GRB14: variants seen among roughly 807,000 people sequenced by gnomAD.
GRB14 encodes the protein growth factor receptor bound protein 14.
Under a neutral mutation model 69.1 loss-of-function variants are expected in GRB14, and 38 were observed. The observed-to-expected ratio is 0.55, with a 90% confidence interval of 0.42 to 0.72. GRB14 has a LOEUF of 0.72. Among genes scored for constraint, GRB14 ranks in the 30% least tolerant of loss-of-function variants. The pLI is 0.00. For missense variants in GRB14, 666 were observed against 666.1 expected, an observed-to-expected ratio of 1.00 and a Z score of 0.00; for synonymous variants, 247 against 241.3, an observed-to-expected ratio of 1.02 and a Z score of -0.22.
intron 9 of GRB14, among the ~76,000 whole-genome samples, chr2:164,498,391 G>A (rs1351659069): frequency 2.0e-5 from 3 of 151,448 alleles, no homozygotes; most frequent in African/African-American, 7.3e-5. Flanking sequence ...TGTTTGTTTG[G>A]GGCTCTACTT....
Position 164,527,109 on chromosome 2 carries a change from C to T in GRB14, c.508G>A (p.Val170Met), listed in dbSNP as rs994303607. 22 of 1,582,614 alleles carry T rather than the reference C, an allele frequency of 1.4e-5. No homozygotes were observed. The highest frequency in any genetic ancestry group is 1.8e-5 in the Non-Finnish European group (21 of 1,157,794). ...VERTIEDHELVIEVLSNWGIE... is the reference protein window; with the variant it reads ...VERTIEDHELMIEVLSNWGIE... ...CCCCAGTTGGATAGCACTTCAATCA[C>T]CAGTTCGTGGTCTTCTATTGTTCTT... The change falls in exon 4 of 14, where the codon GTG becomes ATG. Residue 170 changes from valine (V) to methionine (M), a missense_variant. Physicochemically the swap from Val to Met is conservative, Grantham distance 21. Coordinates refer to ENST00000263915, the MANE Select transcript of GRB14 (RefSeq NM_004490.3).
rs186129313 is a variant in GRB14, at chr2:164,494,248, T to C, written c.1476+183A>G. ...TTTACAATTCCTGTATTTCTTATAT[T>C]AATTCAGGCTCATAAAATCATTTCT... On this transcript the variant is annotated intron_variant, in intron 13 of 13. Coordinates refer to ENST00000263915, the MANE Select transcript of GRB14 (RefSeq NM_004490.3). 3.1e-3 allele frequency among the ~76,000 whole-genome samples: 466 copies of C among 152,320 alleles called. 3 individuals are homozygous for C. The highest frequency in any genetic ancestry group is 5.1e-3 in the Non-Finnish European group (350 of 68,018).
intron 3 of GRB14, among the ~76,000 whole-genome samples, chr2:164,545,211 A>G (rs985020655): frequency 6.6e-6 from 1 of 152,214 alleles, no homozygotes; most frequent in African/African-American, 2.4e-5. Context: ...ATGATTTCTT[A>G]CTAAAAGTTG....
intron 2 of GRB14, among the ~76,000 whole-genome samples, chr2:164,552,916 A>G (rs147712892): frequency 6.6e-6 from 1 of 152,298 alleles, no homozygotes; most frequent in African/African-American, 2.4e-5. Context: ...CTGAGAGAAC[A>G]AGAGGAACCA....
chr2:164,571,675 A>G (rs1203167108), intron 2 of GRB14, among the ~76,000 whole-genome samples: 1 of 152,200 alleles, frequency 6.6e-6, no homozygotes, highest in Non-Finnish European at 1.5e-5. Context: ...TAATGCTCAC[A>G]ACTCTATAAG....
intron 3 of GRB14, among the ~76,000 whole-genome samples, chr2:164,531,816 G>C (rs571789936): frequency 6.6e-6 from 1 of 152,162 alleles, no homozygotes; most frequent in Non-Finnish European, 1.5e-5. Context: ...TTTAACAGTG[G>C]TATGTGGCTC....
intron 2 of GRB14, among the ~76,000 whole-genome samples, chr2:164,605,232 A>G (rs1051431174): frequency 6.6e-6 from 1 of 152,206 alleles, no homozygotes; most frequent in South Asian, 2.1e-4. Context: ...CTTGGTACCC[A>G]ACTGGATGAG....
chr2:164,593,403 T>G (rs116306317), intron 2 of GRB14, among the ~76,000 whole-genome samples: 1 of 152,168 alleles, frequency 6.6e-6, no homozygotes, highest in Admixed American at 6.5e-5. Flanking sequence ...GAGAATGAAT[T>G]GGAACTCTTA....
At chr2:164,608,241 G>A (rs1483334913) in intron 2 of GRB14, among the ~76,000 whole-genome samples, 2 of 151,796 alleles carry the variant, frequency 1.3e-5, no homozygotes, top group East Asian at 1.9e-4. Context: ...GTGTGGCGGC[G>A]AGTGCCCATA....
At chr2:164,543,055 G>A (rs1057248359) in intron 3 of GRB14, among the ~76,000 whole-genome samples, 4 of 152,064 alleles carry the variant, frequency 2.6e-5, no homozygotes, top group Non-Finnish European at 4.4e-5. Context: ...CACTTTGGGA[G>A]GTCAAGGTGG....
At chr2:164,518,070 C>T (rs1308573654) in intron 6 of GRB14, among the ~76,000 whole-genome samples, 1 of 152,156 alleles carries the variant, frequency 6.6e-6, no homozygotes, top group African/African-American at 2.4e-5. Flanking sequence ...AATATACATT[C>T]TATTCATCAG....
At chr2:164,551,723 C>T (rs897270266) in intron 2 of GRB14, among the ~76,000 whole-genome samples, 2 of 152,152 alleles carry the variant, frequency 1.3e-5, no homozygotes, top group African/African-American at 4.8e-5. Context: ...ACACTTGCTC[C>T]AGAAAGCCTT....
intron 9 of GRB14, among the ~76,000 whole-genome samples, chr2:164,500,131 C>T (rs1277440086): frequency 6.6e-6 from 1 of 152,070 alleles, no homozygotes; most frequent in African/African-American, 2.4e-5. Context: ...ACTCGCCTTC[C>T]CCAACCCTCC....
intron 12 of GRB14, among the ~76,000 whole-genome samples, 174 bp from the exon 13 acceptor site, chr2:164,494,698 C>T (rs1451892): frequency 0.58 from 88,209 of 151,934 alleles, 26,478 homozygotes; most frequent in Admixed American, 0.66. Context: ...ATATAATCTG[C>T]ACTATAAAGC....
At chr2:164,501,922 T>C (rs899246968) in intron 9 of GRB14, among the ~76,000 whole-genome samples, 3 of 151,998 alleles carry the variant, frequency 2.0e-5, no homozygotes, top group African/African-American at 7.2e-5. Context: ...AGGAATATGT[T>C]CTATAAATTA....
chr2:164,560,864 T>C (rs960644578), intron 2 of GRB14, among the ~76,000 whole-genome samples: 2 of 152,204 alleles, frequency 1.3e-5, no homozygotes, highest in African/African-American at 4.8e-5. Flanking sequence ...TTTGAATTCC[T>C]CTTTGAGAAT....
At chr2:164,582,648 T>A (rs551887325) in intron 2 of GRB14, among the ~76,000 whole-genome samples, 3 of 152,096 alleles carry the variant, frequency 2.0e-5, no homozygotes, top group Non-Finnish European at 2.9e-5. Context: ...CCTGAACTCC[T>A]GACTGCGTGA....
intron 2 of GRB14, among the ~76,000 whole-genome samples, chr2:164,553,553 C>T (rs1463873506): frequency 6.6e-6 from 1 of 152,156 alleles, no homozygotes; most frequent in Admixed American, 6.6e-5. Flanking sequence ...GGTTGATATT[C>T]CACGCAGTAA....
intron 6 of GRB14, among the ~76,000 whole-genome samples, chr2:164,518,359 C>G (rs1687548809): frequency 6.6e-6 from 1 of 152,080 alleles, no homozygotes; most frequent in African/African-American, 2.4e-5. Context: ...ATCTGGGATA[C>G]AGCAAAGGTA....
Sources: allele counts gnomAD v4.1 joint callset (sites outside exome capture counted in the v4.1 genomes callset), GRCh38; gene constraint gnomAD v4.1.1; transcripts MANE v1.5; gene names NCBI Gene and HGNC (gene_info 2026-07-23, HGNC 2026-07-21).